The following SMARCC1 variants were observed in gnomAD, a reference collection of about 807,000 sequenced individuals.
The protein encoded by SMARCC1 is SWI/SNF related BAF chromatin remodeling complex subunit C1, also known as SWI/SNF complex subunit SMARCC1.
SMARCC1 carries 43 observed loss-of-function variants against 147.4 expected under a neutral mutation model. The observed-to-expected ratio is 0.29, with a 90% confidence interval of 0.23 to 0.38. SMARCC1 has a LOEUF of 0.38. Ranked by LOEUF, SMARCC1 falls within the 10% of genes least tolerant of loss-of-function variation. The pLI, the probability that SMARCC1 is intolerant of heterozygous loss-of-function variation, is 1.00. For synonymous variants in SMARCC1, 495 were observed against 484.4 expected (o/e 1.02, Z -0.29); for missense variants, 1,119 against 1,381.1 (o/e 0.81, Z 3.01).
chr3:47,723,022 C>A (rs115953876), intron 6 of SMARCC1, among the ~76,000 whole-genome samples: 84 of 152,164 alleles, frequency 5.5e-4, no homozygotes, highest in African/African-American at 2.0e-3. Flanking sequence ...GGTACCTCGC[C>A]CTGGAATGAT....
chr3:47,722,706 T>C (rs2034247888), intron 6 of SMARCC1, among the ~76,000 whole-genome samples: 1 of 152,234 alleles, frequency 6.6e-6, no homozygotes, highest in South Asian at 2.1e-4. Flanking sequence ...TCCCAGGTAT[T>C]ATAAATTTAT....
intron 10 of SMARCC1, among the ~76,000 whole-genome samples, chr3:47,702,161 C>T (rs900930240): frequency 2.5e-4 from 37 of 150,230 alleles, no homozygotes; most frequent in Admixed American, 2.5e-3. Flanking sequence ...ATAAAATCTT[C>T]CACTGCTCTT....
intron 26 of SMARCC1, among the ~76,000 whole-genome samples, chr3:47,594,825 C>G (rs1169662371): frequency 6.6e-6 from 1 of 152,168 alleles, no homozygotes; most frequent in Non-Finnish European, 1.5e-5. Flanking sequence ...ATCCACAAAC[C>G]AGTAAGAAAT....
At chr3:47,633,974 A>G (rs2106700781) in intron 24 of SMARCC1, among the ~76,000 whole-genome samples, 1 of 152,082 alleles carries the variant, frequency 6.6e-6, no homozygotes. Context: ...GATGTTTGCA[A>G]TGAAAGAGCA....
At chr3:47,736,196 T>C in intron 4 of SMARCC1, 70 bp from the exon 5 acceptor site, 2 of 803,556 alleles carry the variant, frequency 2.5e-6, no homozygotes, top group Non-Finnish European at 4.0e-6. Flanking sequence ...TTATGCAATA[T>C]ACAAACCACC....
chr3:47,645,256 A>ACTTTAGCCTGGGTGACAGGGT (rs1179625787), intron 21 of SMARCC1, among the ~76,000 whole-genome samples: 1 of 151,522 alleles, frequency 6.6e-6, no homozygotes, highest in Non-Finnish European at 1.5e-5. Flanking sequence ...ATGCCACTGC[A>ACTTTAGCCTGGGTGACAGGGT]CTTTAGCCTG....
chr3:47,650,224 G>A (rs1023645940), intron 21 of SMARCC1, among the ~76,000 whole-genome samples: 4 of 150,728 alleles, frequency 2.7e-5, no homozygotes, highest in Non-Finnish European at 4.4e-5. Flanking sequence ...TGCAGTGAGC[G>A]GAGATCGTGC....
At position 47,641,182 on chromosome 3, in the gene SMARCC1, A is replaced by C. The variant is rs183381146; in HGVS notation, c.2321-2402T>G. 1.1e-3 allele frequency among the ~76,000 whole-genome samples: 173 copies of C among 152,352 alleles called. 1 individual carries two copies. Among genetic ancestry groups the C allele is most frequent in the Non-Finnish European group, 1.7e-3 (115 of 68,030 alleles). On this transcript the variant is annotated intron_variant, in intron 21 of 27. Coordinates refer to ENST00000254480, the MANE Select transcript of SMARCC1 (RefSeq NM_003074.4). ...TTGTCATACAGGCCAAAGCCAACAC[A>C]GTCAATTAAGAAAAAGAAATTAGGC...
At chr3:47,596,909 G>T (rs576210882) in intron 26 of SMARCC1, among the ~76,000 whole-genome samples, 1 of 151,972 alleles carries the variant, frequency 6.6e-6, no homozygotes, top group African/African-American at 2.4e-5. Context: ...AAGAGATGAG[G>T]TCTTGGCTAG....
rs1292587187 is a variant in SMARCC1, at chr3:47,781,777, G to A, written c.21C>T (p.Gly7=). Residue 7 remains glycine (G), a synonymous_variant, in exon 1 of 28, where the codon GGC becomes GGT. Transcript: ENST00000254480. ...CGCCTACCGCTGTCCCCGGCCCGCC[G>A]CCGCCCGCCGCTGCGGCCATCGTCG... MAAAAG[G]GGPGTAVGAT... 1.4e-6 allele frequency: 2 copies of A among 1,449,996 alleles called. No homozygotes were observed. The highest frequency in any genetic ancestry group is 9.1e-7 in the Non-Finnish European group (1 of 1,104,462). The allele number at this position is 1,449,996 out of a possible 1,614,324, so 89.8% of individuals were successfully genotyped here.
intron 2 of SMARCC1, among the ~76,000 whole-genome samples, chr3:47,757,783 CAAA>C (rs60788109): frequency 7.5e-5 from 8 of 106,420 alleles, no homozygotes; most frequent in African/African-American, 1.1e-4. Flanking sequence ...GGCTCCGTAT[CAAA>C]AAAAAAAAAA....
intron 3 of SMARCC1, among the ~76,000 whole-genome samples, chr3:47,745,331 C>A (rs76134170): frequency 6.6e-6 from 1 of 152,160 alleles, no homozygotes; most frequent in South Asian, 2.1e-4. Context: ...TATACACACA[C>A]ATTTCATGGC....
At chr3:47,617,509 G>A (rs932003363) in intron 25 of SMARCC1, among the ~76,000 whole-genome samples, 4 of 152,178 alleles carry the variant, frequency 2.6e-5, no homozygotes, top group Admixed American at 6.5e-5. Context: ...TTTGCATAAC[G>A]GGAGGCATAT....
chr3:47,631,083 TGA>T (rs1172474500), intron 24 of SMARCC1, among the ~76,000 whole-genome samples: 1 of 132,906 alleles, frequency 7.5e-6, no homozygotes, highest in Non-Finnish European at 1.6e-5. Context: ...AGCAAGAGAG[TGA>T]GAGAAAGAAA....
At chr3:47,674,856 T>C (rs2033549992) in intron 18 of SMARCC1, among the ~76,000 whole-genome samples, 1 of 152,228 alleles carries the variant, frequency 6.6e-6, no homozygotes, top group South Asian at 2.1e-4. Flanking sequence ...TATGGGTTTC[T>C]AATGATAAAC....
intron 6 of SMARCC1, among the ~76,000 whole-genome samples, chr3:47,723,630 T>A (rs1269724345): frequency 1.3e-5 from 2 of 151,930 alleles, no homozygotes; most frequent in African/African-American, 4.8e-5. Flanking sequence ...CTGGCCAACA[T>A]GATGAAACCT....
At chr3:47,633,769 T>C (rs867446782) in intron 24 of SMARCC1, among the ~76,000 whole-genome samples, 1 of 13,264 alleles carries the variant, frequency 7.5e-5, no homozygotes, top group Non-Finnish European at 2.2e-4. Flanking sequence ...AAAAAATATA[T>C]ATATATATAT....
intron 21 of SMARCC1, among the ~76,000 whole-genome samples, chr3:47,654,426 T>C (rs114359569): frequency 0.045 from 6,791 of 152,310 alleles, 509 homozygotes; most frequent in African/African-American, 0.15. Context: ...GAATTATAGA[T>C]ACTCTCAAAT....
At chr3:47,685,734 G>C (rs951366490) in intron 14 of SMARCC1, among the ~76,000 whole-genome samples, 1 of 152,076 alleles carries the variant, frequency 6.6e-6, no homozygotes, top group African/African-American at 2.4e-5. Context: ...GCGGGAACCT[G>C]TAATCCCAGC....
Sources: gnomAD v4.1 joint callset for allele counts (sites outside exome capture counted in the v4.1 genomes callset) on GRCh38, gnomAD v4.1.1 for gene constraint, MANE v1.5 for transcripts, NCBI Gene and HGNC (gene_info 2026-07-23, HGNC 2026-07-21) for gene names.